The following LSAMP variants were observed in gnomAD, a reference collection of about 807,000 sequenced individuals.
LSAMP encodes limbic system associated membrane protein.
A neutral mutation model predicts 38.6 loss-of-function variants in LSAMP; 7 were observed. The ratio of observed to expected loss-of-function variants is 0.18; its 90% CI spans 0.10 to 0.34. The LOEUF (loss-of-function observed/expected upper bound fraction) is 0.34, where lower values mean the gene tolerates loss of function less well. Among genes scored for constraint, LSAMP ranks in the 10% least tolerant of loss-of-function variants. The pLI, the probability that LSAMP is intolerant of heterozygous loss-of-function variation, is 1.00. For missense variants in LSAMP, 313 were observed against 420.0 expected (o/e 0.75, Z 2.23); for synonymous variants, 154 against 166.8 (o/e 0.92, Z 0.59).
Position 115,842,486 on chromosome 3 carries a change from C to A in LSAMP, c.742G>T (p.Asp248Tyr). Residue 248 changes from aspartate (D) to tyrosine (Y), a missense_variant, in exon 5 of 7, where the codon GAC (aspartate) becomes TAC (tyrosine). Asp to Tyr is a radical substitution (Grantham distance 160, BLOSUM62 -3). Transcript: ENST00000490035. Reference sequence around the variant, plus strand: ...GTGTCATCCCGGTACCACTCAAAGTCAGGTGCAGGCACTGCCGAGGCCTCA... The same window carrying A: ...GTGTCATCCCGGTACCACTCAAAGTAAGGTGCAGGCACTGCCGAGGCCTCA... The part of the protein sequence containing the change: ...KCEASAVPAP[D>Y]FEWYRDDTRI... 1.2e-6 allele frequency: 2 copies of A among 1,613,906 alleles called. No individual in the cohort carries two copies. The highest frequency in any genetic ancestry group is 2.2e-5 in the South Asian group (2 of 91,020).
intron 1 of LSAMP, among the ~76,000 whole-genome samples, chr3:116,432,772 T>A (rs190371493): frequency 6.6e-6 from 1 of 152,250 alleles, no homozygotes. Flanking sequence ...GGCTAAATTT[T>A]TTCATGCCCA....
At chr3:116,425,570 A>G (rs1265395741) in intron 1 of LSAMP, among the ~76,000 whole-genome samples, 2 of 152,122 alleles carry the variant, frequency 1.3e-5, no homozygotes, top group Admixed American at 6.6e-5. Context: ...TACTTGGGTG[A>G]GTATGTCAAT....
chr3:116,202,880 C>A (rs1321130284), intron 1 of LSAMP, among the ~76,000 whole-genome samples: 1 of 152,100 alleles, frequency 6.6e-6, no homozygotes, highest in Non-Finnish European at 1.5e-5. Flanking sequence ...GTATTCAAGT[C>A]CCCAATCATT....
intron 1 of LSAMP, among the ~76,000 whole-genome samples, chr3:116,109,958 G>A (rs1034877787): frequency 4.0e-5 from 6 of 149,428 alleles, no homozygotes; most frequent in African/African-American, 1.3e-4. Context: ...GAGATAAGAG[G>A]TCGGGGTGTG....
At chr3:116,214,761 C>T (rs2107610228) in intron 1 of LSAMP, among the ~76,000 whole-genome samples, 1 of 152,148 alleles carries the variant, frequency 6.6e-6, no homozygotes, top group Middle Eastern at 3.4e-3. Context: ...CCTCAGCCTC[C>T]CAAAGTGCTG....
intron 1 of LSAMP, among the ~76,000 whole-genome samples, chr3:116,433,185 A>T (rs1195214179): frequency 2.6e-5 from 4 of 152,186 alleles, no homozygotes; most frequent in Admixed American, 6.5e-5. Context: ...TTTCACATGT[A>T]GATACTTACT....
chr3:116,394,444 C>T (rs2048742635), intron 1 of LSAMP, among the ~76,000 whole-genome samples: 1 of 152,170 alleles, frequency 6.6e-6, no homozygotes, highest in Non-Finnish European at 1.5e-5. Flanking sequence ...TCTGTCAACA[C>T]ACCTTGAGCC....
chr3:115,993,494 C>T (rs925651651), intron 3 of LSAMP, among the ~76,000 whole-genome samples: 1 of 152,026 alleles, frequency 6.6e-6, no homozygotes, highest in African/African-American at 2.4e-5. Flanking sequence ...ATTATGTAAA[C>T]TAAATTCATC....
At chr3:116,089,797 AT>A (rs1336827710) in intron 1 of LSAMP, among the ~76,000 whole-genome samples, 1 of 152,076 alleles carries the variant, frequency 6.6e-6, no homozygotes, top group Non-Finnish European at 1.5e-5. Context: ...TGGAAAAAAA[AT>A]AAATAAATAA....
intron 1 of LSAMP, among the ~76,000 whole-genome samples, chr3:116,293,960 G>T (rs1377340500): frequency 2.6e-5 from 4 of 151,990 alleles, no homozygotes; most frequent in Non-Finnish European, 4.4e-5. Context: ...TATACTACAT[G>T]TATGAGGACA....
chr3:116,195,708 A>C (rs1710866549), intron 1 of LSAMP, among the ~76,000 whole-genome samples: 1 of 78,462 alleles, frequency 1.3e-5, no homozygotes, highest in Admixed American at 1.8e-4. Context: ...AGTCTTTTAG[A>C]AAAAAAAATG....
At chr3:116,371,706 T>C (rs925767711) in intron 1 of LSAMP, among the ~76,000 whole-genome samples, 1 of 152,020 alleles carries the variant, frequency 6.6e-6, no homozygotes, top group Non-Finnish European at 1.5e-5. Context: ...GAGAAAGAAA[T>C]TAAGAGGAGT....
At chr3:115,928,981 T>C (rs966143966) in intron 3 of LSAMP, among the ~76,000 whole-genome samples, 1 of 149,226 alleles carries the variant, frequency 6.7e-6, no homozygotes. Context: ...TTGTTTTTTT[T>C]TTTTTTTTTG....
intron 1 of LSAMP, among the ~76,000 whole-genome samples, chr3:116,420,116 A>G (rs1487855427): frequency 1.4e-5 from 2 of 145,188 alleles, no homozygotes; most frequent in Non-Finnish European, 3.0e-5. Flanking sequence ...TTTTTTTTTC[A>G]AGAGAAAGTC....
intron 1 of LSAMP, among the ~76,000 whole-genome samples, chr3:116,338,776 G>C (rs2047954303): frequency 1.3e-5 from 2 of 152,112 alleles, no homozygotes; most frequent in Non-Finnish European, 2.9e-5. Context: ...AGCTGACAAG[G>C]CTCTTTGAAG....
At chr3:116,263,464 C>T (rs535912783) in intron 1 of LSAMP, among the ~76,000 whole-genome samples, 28 of 150,802 alleles carry the variant, frequency 1.9e-4, no homozygotes, top group South Asian at 8.4e-4. Flanking sequence ...CTTGAACTTG[C>T]GAGGCAGAGG....
At chr3:115,943,510 T>C (rs1055484620) in intron 3 of LSAMP, among the ~76,000 whole-genome samples, 2 of 152,194 alleles carry the variant, frequency 1.3e-5, no homozygotes, top group African/African-American at 4.8e-5. Context: ...TAATTTTTCC[T>C]ATAATCAGGG....
chr3:116,373,006 G>A (rs1390516336), intron 1 of LSAMP, among the ~76,000 whole-genome samples: 3 of 151,502 alleles, frequency 2.0e-5, no homozygotes, highest in African/African-American at 7.3e-5. Context: ...CTTACCACCA[G>A]TTTGGTAATT....
At chr3:115,919,435 G>T (rs1292069839) in intron 3 of LSAMP, among the ~76,000 whole-genome samples, 7 of 152,152 alleles carry the variant, frequency 4.6e-5, no homozygotes, top group African/African-American at 4.8e-5. Context: ...GCTTCTGCTG[G>T]CCAACACTTT....
Sources: allele counts gnomAD v4.1 joint callset (sites outside exome capture counted in the v4.1 genomes callset), GRCh38; gene constraint gnomAD v4.1.1; transcripts MANE v1.5; gene names NCBI Gene and HGNC (gene_info 2026-07-23, HGNC 2026-07-21).